Variants in ATG10 observed in about 807,000 individuals in gnomAD.
The protein encoded by ATG10 is ubiquitin-like-conjugating enzyme ATG10.
Under a neutral mutation model 32.1 loss-of-function variants are expected in ATG10, and 30 were observed. That is an observed-to-expected ratio of 0.94 (90% confidence interval 0.70 to 1.27). The LOEUF (loss-of-function observed/expected upper bound fraction) is 1.27. ATG10 is among the 50% of genes most tolerant of loss of function. ATG10 has a pLI of 0.00. For synonymous variants in ATG10, 87 were observed against 91.5 expected (o/e 0.95, Z 0.28); for missense variants, 233 against 262.3 (o/e 0.89, Z 0.77).
At chr5:82,240,025 G>T (rs1746723823) in intron 5 of ATG10, among the ~76,000 whole-genome samples, 1 of 152,122 alleles carries the variant, frequency 6.6e-6, no homozygotes, top group South Asian at 2.1e-4. Context: ...AATAGCAAAT[G>T]CTGGCAAGGA....
intron 3 of ATG10, among the ~76,000 whole-genome samples, chr5:82,139,839 T>TGG (rs1165683112): frequency 1.7e-5 from 2 of 116,028 alleles, no homozygotes; most frequent in African/African-American, 6.9e-5. Flanking sequence ...GGGAGGGAGA[T>TGG]GGGGGGGTCA....
intron 5 of ATG10, 50 bp from the exon 6 acceptor site, chr5:82,252,512 C>T: frequency 9.0e-7 from 1 of 1,109,988 alleles, no homozygotes; most frequent in Non-Finnish European, 1.3e-6. Context: ...ATTATTTTAG[C>T]CTTTTCAAAG....
At chr5:82,216,948 A>G (rs989499158) in intron 5 of ATG10, among the ~76,000 whole-genome samples, 4 of 151,800 alleles carry the variant, frequency 2.6e-5, no homozygotes, top group Non-Finnish European at 5.9e-5. Flanking sequence ...CCAGCTACTT[A>G]GGAGGCTGAG....
intron 5 of ATG10, among the ~76,000 whole-genome samples, chr5:82,190,113 C>T (rs1306572461): frequency 6.6e-6 from 1 of 152,098 alleles, no homozygotes; most frequent in Non-Finnish European, 1.5e-5. Context: ...TGGATCTGAG[C>T]ATCTCAGTAC....
chr5:82,081,565 T>C (rs943305456), intron 3 of ATG10, among the ~76,000 whole-genome samples: 5 of 152,240 alleles, frequency 3.3e-5, no homozygotes, highest in African/African-American at 9.6e-5. Flanking sequence ...GTTTTTAGCA[T>C]GAAGGCTGTT....
At chr5:82,109,138 G>A (rs965799085) in intron 3 of ATG10, among the ~76,000 whole-genome samples, 3 of 152,078 alleles carry the variant, frequency 2.0e-5, no homozygotes, top group Non-Finnish European at 2.9e-5. Context: ...GACAGAAGGA[G>A]CCTGCACAAA....
intron 5 of ATG10, among the ~76,000 whole-genome samples, chr5:82,235,039 T>G (rs1746501785): frequency 6.6e-6 from 1 of 152,194 alleles, no homozygotes; most frequent in Admixed American, 6.5e-5. Flanking sequence ...GGAGTATGCA[T>G]CACACACGTG....
intron 3 of ATG10, among the ~76,000 whole-genome samples, chr5:82,115,325 C>T (rs1449538427): frequency 6.6e-6 from 1 of 151,988 alleles, no homozygotes; most frequent in East Asian, 1.9e-4. Context: ...GTGATGTTTT[C>T]AGATGAAGTT....
rs374473322 is a variant in ATG10 at position 82,141,033 on chromosome 5, G to C, written c.217-23366G>C. Among the ~76,000 whole-genome samples the C allele has an allele frequency of 3.1e-4, 37 of 117,794 alleles. No individual in the cohort carries two copies. The East Asian group carries it at 6.7e-3, about 21-fold the overall frequency. The allele number at this position is 117,794 out of a possible 152,430, so 77.3% of individuals were successfully genotyped here. A position where few individuals can be genotyped will look rare whatever the true frequency, so the allele number is the denominator to read the frequency against. On this transcript the variant is annotated intron_variant, in intron 3 of 7. Transcript: ENST00000282185. The stretch of plus-strand genomic sequence containing the variant: ...ACAGATGCTTGAAGGCAGCATGCTC[G>C]TTAAGAGTCATCACCAATCCCTAAT...
intron 5 of ATG10, among the ~76,000 whole-genome samples, chr5:82,248,655 G>A (rs906410945): frequency 2.0e-5 from 3 of 152,056 alleles, no homozygotes; most frequent in African/African-American, 7.2e-5. Context: ...TCTGGGGAGA[G>A]GATTTGCTGA....
intron 5 of ATG10, among the ~76,000 whole-genome samples, chr5:82,202,998 C>T (rs1745130088): frequency 6.6e-6 from 1 of 151,990 alleles, no homozygotes. Flanking sequence ...GAGGCCGAGG[C>T]AGATGGATCA....
intron 2 of ATG10, among the ~76,000 whole-genome samples, chr5:82,044,543 A>AT (rs915709764): frequency 9.5e-5 from 14 of 148,076 alleles, no homozygotes; most frequent in East Asian, 3.9e-4. Flanking sequence ...TGAGTGCTGG[A>AT]TTTTTTTTTT....
chr5:82,156,134 C>T (rs1208056707), intron 3 of ATG10, among the ~76,000 whole-genome samples: 1 of 141,742 alleles, frequency 7.1e-6, no homozygotes, highest in Non-Finnish European at 1.6e-5. Flanking sequence ...CATTTAGGCT[C>T]CCTCCGAGAG....
At chr5:82,077,098 C>T (rs1040570796) in intron 3 of ATG10, among the ~76,000 whole-genome samples, 8 of 152,068 alleles carry the variant, frequency 5.3e-5, no homozygotes, top group African/African-American at 1.7e-4. Context: ...TCGAGGCAGG[C>T]GACGCTTCAG....
At chr5:82,222,530 A>G (rs1056798120) in intron 5 of ATG10, among the ~76,000 whole-genome samples, 4 of 152,266 alleles carry the variant, frequency 2.6e-5, no homozygotes, top group Admixed American at 2.0e-4. Flanking sequence ...CCATTAATTT[A>G]TTCACCAAAT....
intron 3 of ATG10, among the ~76,000 whole-genome samples, chr5:82,108,462 G>C (rs1245138260): frequency 6.6e-6 from 1 of 151,574 alleles, no homozygotes; most frequent in Non-Finnish European, 1.5e-5. Context: ...GTATATATGT[G>C]TATATATGTA....
At chr5:82,148,985 A>G (rs1348616656) in intron 3 of ATG10, among the ~76,000 whole-genome samples, 1 of 151,992 alleles carries the variant, frequency 6.6e-6, no homozygotes, top group Non-Finnish European at 1.5e-5. Flanking sequence ...AGAAATTTTC[A>G]TCTACTTTAG....
At chr5:82,164,326 C>G in intron 3 of ATG10, 73 bp from the exon 4 acceptor site, 282 of 1,259,570 alleles carry the variant, frequency 2.2e-4, no homozygotes, top group Non-Finnish European at 3.0e-4. Flanking sequence ...AAGAAAATCT[C>G]CTCTTTTCCT....
chr5:82,118,637 C>T (rs1765925542), intron 3 of ATG10, among the ~76,000 whole-genome samples: 1 of 151,682 alleles, frequency 6.6e-6, no homozygotes, highest in African/African-American at 2.4e-5. Context: ...ATTGAGATGC[C>T]ATGGGACATC....
Sources: allele counts gnomAD v4.1 joint callset (sites outside exome capture counted in the v4.1 genomes callset), GRCh38; gene constraint gnomAD v4.1.1; transcripts MANE v1.5; gene names NCBI Gene and HGNC (gene_info 2026-07-23, HGNC 2026-07-21).